CAST: variants seen among roughly 807,000 people sequenced by gnomAD.
CAST encodes calpastatin.
Under a neutral mutation model 119.6 loss-of-function variants are expected in CAST, and 76 were observed. That is an observed-to-expected ratio of 0.64 (90% CI 0.53 to 0.77). The LOEUF (loss-of-function observed/expected upper bound fraction) is 0.77, where lower values mean the gene tolerates loss of function less well. Among genes scored for constraint, CAST ranks in the 30% least tolerant of loss-of-function variants. The probability of loss-of-function intolerance (pLI) is 0.00; values close to 1 mark genes in which losing one functional copy is unlikely to be tolerated. For missense variants in CAST, 953 were observed against 946.5 expected (o/e 1.01, Z -0.09); for synonymous variants, 319 against 331.6 (o/e 0.96, Z 0.41).
At chr5:96,054,771 A>G in the CAST span, among the ~76,000 whole-genome samples, 1 of 152,300 alleles carries the variant, frequency 6.6e-6, no homozygotes, top group Admixed American at 6.5e-5. Context: ...TAATATCTAC[A>G]AAGTTGGTGG....
the CAST span, among the ~76,000 whole-genome samples, chr5:96,206,369 G>A: frequency 6.6e-6 from 1 of 151,914 alleles, no homozygotes; most frequent in Non-Finnish European, 1.5e-5. Context: ...TCATCATAAA[G>A]TCTCTGCCAA....
At chr5:96,500,563 G>A in the CAST span, among the ~76,000 whole-genome samples, 3 of 152,076 alleles carry the variant, frequency 2.0e-5, no homozygotes, top group Non-Finnish European at 4.4e-5. Flanking sequence ...TCATCTTCAA[G>A]CTCGTTCCCT....
the CAST span, among the ~76,000 whole-genome samples, chr5:96,169,402 G>A: frequency 7.2e-5 from 11 of 152,246 alleles, no homozygotes; most frequent in African/African-American, 2.6e-4. Flanking sequence ...GGGTTGTGGA[G>A]GGAGGTATTG....
the CAST span, among the ~76,000 whole-genome samples, chr5:96,466,847 T>C: frequency 2.0e-5 from 3 of 152,088 alleles, no homozygotes; most frequent in Non-Finnish European, 4.4e-5. Context: ...TTGCTGGAGG[T>C]ATAGATTTCT....
rs1561408779 is a variant in CAST, at chr5:96,534,724, A to AAGGAAGGAAGGAAGGAAGGAAG, written c.60+4844_60+4845insAGGAAGGAAGGAAGGAAGGAAG. On this transcript the variant is annotated intron_variant, in intron 1 of 11. Transcript: ENST00000505143. Reference sequence around the variant, plus strand: ...GAAGGAAGGAAGGAAGGAGAGAGAGAGAGAGAGAGAGAGAGAGAAAGAAAG... The same window carrying AAGGAAGGAAGGAAGGAAGGAAG: ...GAAGGAAGGAAGGAAGGAGAGAGAGAAGGAAGGAAGGAAGGAAGGAAGGAGAGAGAGAGAGAGAGAAAGAAAG... Among the ~76,000 whole-genome samples, 11 of 19,490 alleles carry AAGGAAGGAAGGAAGGAAGGAAG rather than the reference A, an allele frequency of 5.6e-4. 1 individual carries two copies. Among genetic ancestry groups the AAGGAAGGAAGGAAGGAAGGAAG allele is most frequent in the Non-Finnish European group, 1.1e-3 (10 of 9,226 alleles). 12.8% of individuals were successfully genotyped at this position (19,490 alleles called of 152,430 possible).
the CAST span, among the ~76,000 whole-genome samples, chr5:96,308,184 C>T: frequency 6.6e-6 from 1 of 151,816 alleles, no homozygotes; most frequent in Non-Finnish European, 1.5e-5. Context: ...CTTATCTTCT[C>T]ACTTTATTTC....
chr5:96,713,133 C>CTTTTTTTTT (rs11406642), intron 3 of CAST, among the ~76,000 whole-genome samples: 1 of 136,776 alleles, frequency 7.3e-6, no homozygotes, highest in Non-Finnish European at 1.6e-5. Flanking sequence ...CAGAATTTCT[C>CTTTTTTTTT]TTTTTTTTTT....
chr5:96,533,730 T>C (rs1580813192), intron 1 of CAST, among the ~76,000 whole-genome samples: 1 of 152,348 alleles, frequency 6.6e-6, no homozygotes, highest in East Asian at 1.9e-4. Flanking sequence ...ATATTAACTT[T>C]ATTAATCCTG....
At chr5:96,167,691 G>A in the CAST span, among the ~76,000 whole-genome samples, 17 of 152,266 alleles carry the variant, frequency 1.1e-4, no homozygotes, top group African/African-American at 2.9e-4. Context: ...AGGCCAAACT[G>A]AGGAATTCTG....
the CAST span, among the ~76,000 whole-genome samples, chr5:96,232,621 T>C: frequency 6.6e-6 from 1 of 151,962 alleles, no homozygotes; most frequent in African/African-American, 2.4e-5. Context: ...CAGCATAACC[T>C]TGTATAAATG....
the CAST span, among the ~76,000 whole-genome samples, chr5:96,157,476 A>G: frequency 1.3e-5 from 2 of 152,252 alleles, no homozygotes; most frequent in East Asian, 3.8e-4. Context: ...ACAAAAGTAT[A>G]CTCACTGGCA....
At chr5:96,582,576 G>A (rs1192797967) in intron 1 of CAST, among the ~76,000 whole-genome samples, 1 of 152,162 alleles carries the variant, frequency 6.6e-6, no homozygotes, top group Non-Finnish European at 1.5e-5. Flanking sequence ...CAGCATAAAT[G>A]TACTCAGGAA....
At chr5:96,133,391 G>T in the CAST span, among the ~76,000 whole-genome samples, 2 of 152,040 alleles carry the variant, frequency 1.3e-5, no homozygotes, top group Admixed American at 1.3e-4. Context: ...GGACAAGGCA[G>T]AATAATGGAA....
the CAST span, among the ~76,000 whole-genome samples, chr5:96,166,097 C>T: frequency 1.3e-5 from 2 of 152,142 alleles, no homozygotes; most frequent in Non-Finnish European, 2.9e-5. Flanking sequence ...TTCCACATGG[C>T]GCTCCTGAGT....
chr5:96,075,495 A>C, the CAST span, among the ~76,000 whole-genome samples: 1 of 152,194 alleles, frequency 6.6e-6, no homozygotes, highest in Non-Finnish European at 1.5e-5. Flanking sequence ...TTTGTGACTA[A>C]GTAGGGACTC....
chr5:96,481,266 T>TA, the CAST span, among the ~76,000 whole-genome samples: 8 of 151,906 alleles, frequency 5.3e-5, no homozygotes, highest in Admixed American at 2.0e-4. Flanking sequence ...GTGAATCTAC[T>TA]AAAAAAAACA....
chr5:96,753,623 C>G (rs1366451853), intron 20 of CAST, among the ~76,000 whole-genome samples: 1 of 152,206 alleles, frequency 6.6e-6, no homozygotes, highest in South Asian at 2.1e-4. Flanking sequence ...CGAGCCTCCT[C>G]TTCTGAGACA....
intron 3 of CAST, among the ~76,000 whole-genome samples, chr5:96,702,093 A>C (rs1753975512): frequency 6.6e-6 from 1 of 152,156 alleles, no homozygotes; most frequent in African/African-American, 2.4e-5. Flanking sequence ...TGTGTTCCTC[A>C]AACAGTGACC....
chr5:96,594,205 T>C (rs1313662742), intron 1 of CAST, among the ~76,000 whole-genome samples: 1 of 152,170 alleles, frequency 6.6e-6, no homozygotes, highest in African/African-American at 2.4e-5. Flanking sequence ...AGCAAGAAAC[T>C]CTCGTTTTTT....
Sources: gnomAD v4.1 joint callset for allele counts (sites outside exome capture counted in the v4.1 genomes callset) on GRCh38, gnomAD v4.1.1 for gene constraint, MANE v1.5 for transcripts, NCBI Gene and HGNC (gene_info 2026-07-23, HGNC 2026-07-21) for gene names.